GALNT17: variants seen among roughly 807,000 people sequenced by gnomAD.
GALNT17 encodes polypeptide N-acetylgalactosaminyltransferase 17.
GALNT17 carries 29 observed loss-of-function variants against 63.7 expected under a neutral mutation model. The observed-to-expected ratio is 0.46, with a 90% CI of 0.34 to 0.62. The LOEUF (loss-of-function observed/expected upper bound fraction) is 0.62. Ranked by LOEUF, GALNT17 falls within the 20% of genes least tolerant of loss-of-function variation. The probability of loss-of-function intolerance (pLI) is 0.01; values close to 1 mark genes in which losing one functional copy is unlikely to be tolerated. For missense variants in GALNT17, 603 were observed against 799.6 expected (o/e 0.75, Z 2.97); for synonymous variants, 305 against 318.3 (o/e 0.96, Z 0.45).
At chr7:71,436,490 C>G (rs1380154053) in intron 5 of GALNT17, among the ~76,000 whole-genome samples, 1 of 152,102 alleles carries the variant, frequency 6.6e-6, no homozygotes, top group African/African-American at 2.4e-5. Flanking sequence ...GAGGCCGAGG[C>G]AGGCAGATCA....
chr7:71,461,857 T>C (rs555216219), intron 5 of GALNT17, among the ~76,000 whole-genome samples: 1 of 152,262 alleles, frequency 6.6e-6, no homozygotes, highest in Admixed American at 6.5e-5. Flanking sequence ...TCTCGACAGG[T>C]CCGAGTTACT....
At chr7:71,376,122 C>T (rs539766825) in intron 2 of GALNT17, among the ~76,000 whole-genome samples, 2 of 151,684 alleles carry the variant, frequency 1.3e-5, no homozygotes, top group South Asian at 4.2e-4. Context: ...TCTTACTGGC[C>T]AAATTTTGGA....
intron 5 of GALNT17, among the ~76,000 whole-genome samples, chr7:71,567,049 C>A (rs556682302): frequency 6.6e-6 from 1 of 152,332 alleles, no homozygotes; most frequent in South Asian, 2.1e-4. Context: ...TCCAAAGCCA[C>A]CCCTTCAGGA....
chr7:71,138,771 C>G (rs978488104), intron 1 of GALNT17, among the ~76,000 whole-genome samples: 1 of 152,020 alleles, frequency 6.6e-6, no homozygotes, highest in Non-Finnish European at 1.5e-5. Context: ...CCCAGGAGTT[C>G]CAGACCAGTC....
At chr7:71,339,248 G>C (rs970148505) in intron 2 of GALNT17, among the ~76,000 whole-genome samples, 1 of 152,224 alleles carries the variant, frequency 6.6e-6, no homozygotes, top group Non-Finnish European at 1.5e-5. Flanking sequence ...CTTACTTCTT[G>C]TCTAGGGAGG....
At chr7:71,571,157 AACCCAGTACATGCTAG>A in intron 5 of GALNT17, 112 bp from the exon 6 acceptor site, 1 of 694,178 alleles carries the variant, frequency 1.4e-6, no homozygotes, top group Non-Finnish European at 2.6e-6. Context: ...GCTAGGCTGG[AACCCAGTACATGCTAG>A]GCTGGAACCA....
intron 5 of GALNT17, among the ~76,000 whole-genome samples, chr7:71,459,754 C>T (rs1312380718): frequency 6.6e-6 from 1 of 152,106 alleles, no homozygotes; most frequent in Admixed American, 6.6e-5. Context: ...TTTCTCTAGG[C>T]CCTCCCTATC....
intron 5 of GALNT17, among the ~76,000 whole-genome samples, chr7:71,460,775 G>T (rs916501227): frequency 1.3e-5 from 2 of 152,106 alleles, no homozygotes; most frequent in Non-Finnish European, 2.9e-5. Flanking sequence ...CCCTTTTTAG[G>T]CCATATAGAG....
intron 1 of GALNT17, among the ~76,000 whole-genome samples, chr7:71,134,711 TA>T (rs1787749264): frequency 6.6e-6 from 1 of 152,044 alleles, no homozygotes; most frequent in South Asian, 2.1e-4. Context: ...GGGGTGGCCT[TA>T]TAATTTGGGA....
At chr7:71,328,422 T>C (rs534214631) in intron 1 of GALNT17, among the ~76,000 whole-genome samples, 1 of 152,274 alleles carries the variant, frequency 6.6e-6, no homozygotes, top group Non-Finnish European at 1.5e-5. Flanking sequence ...TGCCTACAAG[T>C]TCAGTTTCAT....
intron 5 of GALNT17, among the ~76,000 whole-genome samples, chr7:71,445,264 C>T (rs1250420468): frequency 2.6e-5 from 4 of 151,182 alleles, no homozygotes; most frequent in Non-Finnish European, 1.5e-5. Context: ...CTGCAACCTC[C>T]ACCTCCCAGG....
chr7:71,517,196 T>G (rs550971370), intron 5 of GALNT17, among the ~76,000 whole-genome samples: 9 of 152,200 alleles, frequency 5.9e-5, no homozygotes, highest in Non-Finnish European at 1.3e-4. Flanking sequence ...AGCATGGTCA[T>G]TTTCTGATGG....
intron 5 of GALNT17, among the ~76,000 whole-genome samples, chr7:71,434,942 G>T (rs866784756): frequency 3.4e-4 from 52 of 152,240 alleles, no homozygotes; most frequent in African/African-American, 1.2e-3. Flanking sequence ...TTTCTTCAGG[G>T]GACCAGTCTG....
chr7:71,456,750 CCA>C (rs1177071381), intron 5 of GALNT17, among the ~76,000 whole-genome samples: 1 of 152,082 alleles, frequency 6.6e-6, no homozygotes, highest in African/African-American at 2.4e-5. Context: ...CAGATTTCAA[CCA>C]TTTTAGAAAG....
At chr7:71,543,782 CCTTT>C (rs1186846147) in intron 5 of GALNT17, among the ~76,000 whole-genome samples, 4 of 137,710 alleles carry the variant, frequency 2.9e-5, no homozygotes, top group Non-Finnish European at 3.1e-5. Flanking sequence ...TTTCTTTCTT[CCTTT>C]CTTTCTTTTC....
At chr7:71,617,097 A>G (rs1351691124) in intron 6 of GALNT17, among the ~76,000 whole-genome samples, 2 of 148,066 alleles carry the variant, frequency 1.4e-5, no homozygotes, top group Non-Finnish European at 3.0e-5. Flanking sequence ...TGTATCAGTT[A>G]TATACTTAAT....
At chr7:71,137,139 C>CGT (rs1467023464) in intron 1 of GALNT17, among the ~76,000 whole-genome samples, 1 of 117,360 alleles carries the variant, frequency 8.5e-6, no homozygotes, top group Admixed American at 9.4e-5. Context: ...ATATTTTTGA[C>CGT]TTTTTTTTTT....
chr7:71,614,029 A>G (rs1286379541), intron 6 of GALNT17, among the ~76,000 whole-genome samples: 1 of 152,144 alleles, frequency 6.6e-6, no homozygotes, highest in Non-Finnish European at 1.5e-5. Context: ...ATCACTCACT[A>G]CAAGACCTAT....
intron 1 of GALNT17, among the ~76,000 whole-genome samples, chr7:71,175,067 A>G (rs571277561): frequency 1.6e-4 from 24 of 152,324 alleles, no homozygotes; most frequent in African/African-American, 5.8e-4. Flanking sequence ...CCTTCTTTCT[A>G]TTCTATCTAT....
Sources: gnomAD v4.1 joint callset for allele counts (sites outside exome capture counted in the v4.1 genomes callset) on GRCh38, gnomAD v4.1.1 for gene constraint, MANE v1.5 for transcripts, NCBI Gene and HGNC (gene_info 2026-07-23, HGNC 2026-07-21) for gene names.